TBCK: variants seen among roughly 807,000 people sequenced by gnomAD.
TBCK encodes the protein TBC domain-containing protein kinase-like protein.
TBCK carries 99 observed loss-of-function variants against 113.4 expected under a neutral mutation model. The observed-to-expected ratio is 0.87, with a 90% CI of 0.74 to 1.03. The LOEUF (loss-of-function observed/expected upper bound fraction) is 1.03, where lower values mean the gene tolerates loss of function less well. Among genes scored for constraint, TBCK ranks in the 50% least tolerant of loss-of-function variants. The pLI is 0.00. For synonymous variants in TBCK, 369 were observed against 370.8 expected (o/e 1.00, Z 0.05); for missense variants, 1,045 against 1,061.3 (o/e 0.98, Z 0.21).
intron 3 of TBCK, among the ~76,000 whole-genome samples, chr4:106,276,146 A>T: frequency 6.6e-6 from 1 of 152,176 alleles, no homozygotes; most frequent in East Asian, 1.9e-4. Context: ...CAATAATGGC[A>T]CCAAAGGAAT....
intron 25 of TBCK, among the ~76,000 whole-genome samples, chr4:106,058,064 T>A (rs2149455650): frequency 6.6e-6 from 1 of 151,916 alleles, no homozygotes; most frequent in South Asian, 2.1e-4. Flanking sequence ...CTTTGTTCAT[T>A]AACTTAATCA....
In TBCK at chr4:106,046,541, T is replaced by C; in HGVS notation, c.*29A>G. Reference sequence around the variant, plus strand: ...TGTGCTGTTGGTGCTGATGCCACACTAAGTTTTGGCAGTCACACTCTTGGT... The same window carrying C: ...TGTGCTGTTGGTGCTGATGCCACACCAAGTTTTGGCAGTCACACTCTTGGT... On this transcript the variant is annotated 3_prime_UTR_variant, in exon 26 of 26. Transcript: ENST00000394708. 1 of 1,267,062 alleles carries C rather than the reference T, an allele frequency of 7.9e-7. No individual in the cohort carries two copies. The highest frequency in any genetic ancestry group is 1.2e-5 in the South Asian group (1 of 82,974). The allele number at this position is 1,267,062 out of a possible 1,614,324, so 78.5% of individuals were successfully genotyped here. A position where few individuals can be genotyped will look rare whatever the true frequency, so the allele number is the denominator to read the frequency against.
intron 19 of TBCK, among the ~76,000 whole-genome samples, chr4:106,214,791 G>A (rs899230937): frequency 5.9e-5 from 9 of 151,866 alleles, no homozygotes; most frequent in Non-Finnish European, 1.0e-4. Flanking sequence ...AAAACACTCT[G>A]CAGGATATTA....
chr4:106,195,337 C>T (rs574887099), intron 20 of TBCK, among the ~76,000 whole-genome samples: 92 of 152,160 alleles, frequency 6.0e-4, no homozygotes, highest in Admixed American at 1.0e-3. Flanking sequence ...AGACTCAAGA[C>T]CATGGCTAAT....
intron 23 of TBCK, among the ~76,000 whole-genome samples, chr4:106,170,388 G>T (rs989226147): frequency 8.6e-5 from 13 of 151,984 alleles, no homozygotes; most frequent in Non-Finnish European, 1.8e-4. Flanking sequence ...GGCAGAGATT[G>T]TAATTATTGA....
chr4:106,243,911 T>G (rs1760463585), intron 11 of TBCK, among the ~76,000 whole-genome samples: 1 of 151,974 alleles, frequency 6.6e-6, no homozygotes, highest in African/African-American at 2.4e-5. Context: ...GATCTCAAAC[T>G]CCTAGGTTCA....
intron 7 of TBCK, among the ~76,000 whole-genome samples, chr4:106,249,302 T>C (rs955665364): frequency 2.6e-5 from 4 of 152,282 alleles, no homozygotes; most frequent in Admixed American, 6.5e-5. Flanking sequence ...CACACATAGC[T>C]GACCCTTGAA....
intron 3 of TBCK, among the ~76,000 whole-genome samples, chr4:106,272,058 G>C (rs781549376): frequency 1.3e-5 from 2 of 152,116 alleles, no homozygotes; most frequent in Non-Finnish European, 2.9e-5. Flanking sequence ...CGTAGAAGGC[G>C]AATATAAATG....
intron 22 of TBCK, among the ~76,000 whole-genome samples, chr4:106,190,883 GGC>G (rs1395836815): frequency 1.3e-5 from 2 of 152,116 alleles, no homozygotes; most frequent in African/African-American, 4.8e-5. Flanking sequence ...TGAGACTACA[GGC>G]GCCTGCCACC....
intron 3 of TBCK, among the ~76,000 whole-genome samples, chr4:106,285,948 A>T (rs1205312799): frequency 2.0e-5 from 3 of 152,224 alleles, no homozygotes; most frequent in African/African-American, 7.2e-5. Context: ...ACTGGAGACT[A>T]ATGTAATCCA....
At chr4:106,094,417 C>T (rs1740682013) in intron 25 of TBCK, among the ~76,000 whole-genome samples, 1 of 151,788 alleles carries the variant, frequency 6.6e-6, no homozygotes, top group Non-Finnish European at 1.5e-5. Flanking sequence ...TTTTTGGTCT[C>T]TCTATATTTT....
intron 2 of TBCK, among the ~76,000 whole-genome samples, chr4:106,306,872 A>G (rs1767583481): frequency 6.6e-6 from 1 of 152,212 alleles, no homozygotes; most frequent in Non-Finnish European, 1.5e-5. Context: ...TCAATCAATC[A>G]AAGTCAACCT....
intron 25 of TBCK, among the ~76,000 whole-genome samples, chr4:106,087,943 A>G (rs954778807): frequency 8.5e-5 from 13 of 152,356 alleles, no homozygotes; most frequent in African/African-American, 2.9e-4. Flanking sequence ...TGTCTTATAC[A>G]AAAATTAACT....
chr4:106,289,938 C>T (rs1765517165), intron 3 of TBCK, among the ~76,000 whole-genome samples: 1 of 152,112 alleles, frequency 6.6e-6, no homozygotes, highest in Non-Finnish European at 1.5e-5. Context: ...GGATGCCTAA[C>T]TAGTTAGGGC....
At chr4:106,253,312 C>T (rs886821445) in intron 5 of TBCK, among the ~76,000 whole-genome samples, 1 of 152,106 alleles carries the variant, frequency 6.6e-6, no homozygotes, top group African/African-American at 2.4e-5. Context: ...CCATTAAATT[C>T]TTATTTCTAT....
chr4:106,247,231 TATAAAGGTGATACCTC>T lies in TBCK; in HGVS notation c.823_838del (p.Glu275IlefsTer15). Reference sequence around the variant, plus strand: ...ACTGGCAGGTTTGGTAAAGGGGGTATATAAAGGTGATACCTCACTGAATACTTTGTCCTTCATTAAT... The same window carrying T: ...ACTGGCAGGTTTGGTAAAGGGGGTATACTGAATACTTTGTCCTTCATTAAT... On this transcript the variant is annotated frameshift_variant, in exon 10 of 26. Transcript: ENST00000394708. LOFTEE classifies it high-confidence loss of function. 1.2e-6 allele frequency: 2 copies of T among 1,613,046 alleles called. No individual in the cohort carries two copies. Among genetic ancestry groups the T allele is most frequent in the Non-Finnish European group, 1.7e-6 (2 of 1,179,282 alleles).
intron 22 of TBCK, among the ~76,000 whole-genome samples, chr4:106,173,327 A>G (rs1186088450): frequency 2.0e-5 from 3 of 152,178 alleles, no homozygotes; most frequent in African/African-American, 7.2e-5. Context: ...AGATAGCACA[A>G]TTCATTTTAG....
intron 22 of TBCK, among the ~76,000 whole-genome samples, chr4:106,186,154 TTA>T (rs1560783259): frequency 6.6e-6 from 1 of 152,156 alleles, no homozygotes; most frequent in East Asian, 1.9e-4. Flanking sequence ...TAGGTTGATT[TTA>T]TGTTTTTGCT....
Position 106,132,850 on chromosome 4 carries a change from A to G in TBCK, c.2236-16472T>C, listed in dbSNP as rs544072029. Among the ~76,000 whole-genome samples the G allele has an allele frequency of 6.6e-5, 10 of 152,312 alleles. No individual in the cohort carries two copies. The South Asian group carries it at 1.9e-3, about 28-fold the overall frequency. On this transcript the variant is annotated intron_variant, in intron 23 of 25. Coordinates refer to ENST00000394708, the MANE Select transcript of TBCK (RefSeq NM_001163435.3). ...CTGCCTTATTGGAGTCTGAACTTGC[A>G]TGAGACCTGTGGCCCTCTTGTTTTG... is the stretch of plus-strand genomic sequence containing the variant.
Sources: allele counts gnomAD v4.1 joint callset (sites outside exome capture counted in the v4.1 genomes callset), GRCh38; gene constraint gnomAD v4.1.1; transcripts MANE v1.5; gene names NCBI Gene and HGNC (gene_info 2026-07-23, HGNC 2026-07-21).